LRP1B: variants seen among roughly 807,000 people sequenced by gnomAD.
The protein encoded by LRP1B is low-density lipoprotein receptor-related protein 1B.
LRP1B carries 217 observed loss-of-function variants against 556.6 expected under a neutral mutation model. The observed-to-expected ratio is 0.39, with a 90% CI of 0.35 to 0.44. The LOEUF (loss-of-function observed/expected upper bound fraction) is 0.44, where lower values mean the gene tolerates loss of function less well. Ranked by LOEUF, LRP1B falls within the 20% of genes least tolerant of loss-of-function variation. LRP1B has a pLI of 1.00. For synonymous variants in LRP1B, 2,047 were observed against 1,865.8 expected (o/e 1.10, Z -2.50); for missense variants, 5,053 against 5,620.8 (o/e 0.90, Z 3.23).
intron 6 of LRP1B, among the ~76,000 whole-genome samples, chr2:141,208,709 A>C (rs1032084818): frequency 1.3e-5 from 2 of 151,874 alleles, no homozygotes; most frequent in Non-Finnish European, 2.9e-5. Context: ...CTATTAAAAA[A>C]ATACAAAAAA....
chr2:140,287,914 T>TGTA (rs1683216589), intron 84 of LRP1B, among the ~76,000 whole-genome samples: 1 of 151,364 alleles, frequency 6.6e-6, no homozygotes, highest in Admixed American at 6.6e-5. Flanking sequence ...TCACTTTATT[T>TGTA]GGAAAATGTA....
chr2:141,539,532 A>G (rs898770896), intron 2 of LRP1B, among the ~76,000 whole-genome samples: 12 of 152,178 alleles, frequency 7.9e-5, no homozygotes, highest in African/African-American at 2.9e-4. Context: ...TCAGATATTT[A>G]TGACTCTTTT....
intron 2 of LRP1B, among the ~76,000 whole-genome samples, chr2:141,640,491 T>C (rs1689289911): frequency 6.6e-6 from 1 of 152,152 alleles, no homozygotes; most frequent in East Asian, 1.9e-4. Context: ...TCACTTTTAA[T>C]ACAGTCAGAA....
intron 66 of LRP1B, among the ~76,000 whole-genome samples, chr2:140,439,110 C>A (rs1347284887): frequency 6.6e-6 from 1 of 152,134 alleles, no homozygotes; most frequent in African/African-American, 2.4e-5. Context: ...GAATCTAGCA[C>A]AGTCTGTCAA....
intron 2 of LRP1B, among the ~76,000 whole-genome samples, chr2:141,591,814 T>C (rs563867510): frequency 3.9e-5 from 6 of 152,234 alleles, no homozygotes; most frequent in African/African-American, 1.4e-4. Context: ...AATTTTTCTA[T>C]AGGAGCATTT....
chr2:140,383,873 T>C, intron 67 of LRP1B, among the ~76,000 whole-genome samples: 1 of 152,172 alleles, frequency 6.6e-6, no homozygotes, highest in Non-Finnish European at 1.5e-5. Context: ...ATGCTTGATT[T>C]TGCAAGCACT....
intron 7 of LRP1B, among the ~76,000 whole-genome samples, chr2:141,132,962 A>T (rs1355645076): frequency 6.6e-6 from 1 of 151,874 alleles, no homozygotes; most frequent in African/African-American, 2.4e-5. Context: ...GAATAATAAA[A>T]GTCACTCCAT....
intron 25 of LRP1B, among the ~76,000 whole-genome samples, chr2:140,872,961 A>G (rs1036754748): frequency 3.3e-5 from 5 of 152,138 alleles, no homozygotes; most frequent in Non-Finnish European, 7.4e-5. Context: ...AAATATATAC[A>G]AGAGCTCTAA....
At chr2:141,708,347 C>T (rs2105473728) in intron 2 of LRP1B, among the ~76,000 whole-genome samples, 1 of 152,166 alleles carries the variant, frequency 6.6e-6, no homozygotes, top group South Asian at 2.1e-4. Flanking sequence ...ACAGCACCTC[C>T]TTCTTGCAGG....
At position 141,068,993 on chromosome 2, in the gene LRP1B, G is replaced by T. The variant is rs77493139; in HGVS notation, c.1014-6720C>A. Among the ~76,000 whole-genome samples, 895 of 152,090 alleles carry T rather than the reference G, an allele frequency of 5.9e-3. 11 individuals are homozygous for T. Among genetic ancestry groups the T allele is most frequent in the African/African-American group, 0.02 (844 of 41,516 alleles). On this transcript the variant is annotated intron_variant, in intron 7 of 90. Coordinates refer to ENST00000389484, the MANE Select transcript of LRP1B (RefSeq NM_018557.3). ...ATTGAAAACATCTTAAATCTTTTCA[G>T]TAGTCTCTAGAGAAAATATAAGGAA...
At chr2:141,418,473 A>C in intron 3 of LRP1B, among the ~76,000 whole-genome samples, 1 of 147,774 alleles carries the variant, frequency 6.8e-6, no homozygotes, top group African/African-American at 2.5e-5. Context: ...GTTACTCAAC[A>C]TCATTTGTTG....
intron 2 of LRP1B, among the ~76,000 whole-genome samples, chr2:141,603,089 T>C (rs984959591): frequency 6.6e-6 from 1 of 152,230 alleles, no homozygotes; most frequent in Non-Finnish European, 1.5e-5. Flanking sequence ...TGATGACTTA[T>C]GATTGGCCTG....
intron 18 of LRP1B, among the ~76,000 whole-genome samples, chr2:140,965,523 ATTT>A (rs1231247319): frequency 6.7e-6 from 1 of 148,494 alleles, no homozygotes; most frequent in African/African-American, 2.5e-5. Context: ...GTTATATAAA[ATTT>A]TATGTACACT....
intron 2 of LRP1B, among the ~76,000 whole-genome samples, chr2:141,751,014 ATT>A (rs1364522222): frequency 2.0e-5 from 3 of 152,042 alleles, no homozygotes; most frequent in African/African-American, 7.2e-5. Flanking sequence ...TTCACCAGTT[ATT>A]AAAATTTTAA....
intron 2 of LRP1B, among the ~76,000 whole-genome samples, chr2:141,654,708 A>C (rs1689937381): frequency 6.6e-6 from 1 of 152,050 alleles, no homozygotes; most frequent in African/African-American, 2.4e-5. Context: ...AATGCACCCA[A>C]ATTTGAAGTA....
chr2:141,904,854 C>T (rs79139028), intron 1 of LRP1B, among the ~76,000 whole-genome samples: 12 of 151,944 alleles, frequency 7.9e-5, no homozygotes, highest in East Asian at 7.8e-4. Flanking sequence ...AGGAAATGTA[C>T]GCTGTTTTAA....
At chr2:141,996,220 AAAAAAAAAC>A (rs1012740278) in intron 1 of LRP1B, among the ~76,000 whole-genome samples, 11 of 84,686 alleles carry the variant, frequency 1.3e-4, no homozygotes, top group African/African-American at 4.7e-4. Context: ...CAAAAAAAAA[AAAAAAAAAC>A]GTTATAAGTG....
At chr2:141,288,478 T>A (rs1017950706) in intron 3 of LRP1B, among the ~76,000 whole-genome samples, 23 of 152,022 alleles carry the variant, frequency 1.5e-4, no homozygotes, top group African/African-American at 5.3e-4. Context: ...ATAACCTAAG[T>A]AACTTAGAAA....
At chr2:141,040,729 A>G (rs1458864006) in intron 11 of LRP1B, among the ~76,000 whole-genome samples, 2 of 152,062 alleles carry the variant, frequency 1.3e-5, no homozygotes, top group African/African-American at 4.8e-5. Flanking sequence ...TCAACACACA[A>G]TTGGAGGGAC....
Sources: allele counts gnomAD v4.1 joint callset (sites outside exome capture counted in the v4.1 genomes callset), GRCh38; gene constraint gnomAD v4.1.1; transcripts MANE v1.5; gene names NCBI Gene and HGNC (gene_info 2026-07-23, HGNC 2026-07-21).